PSD3: variants seen among roughly 807,000 people sequenced by gnomAD.
PSD3 encodes the protein pleckstrin and Sec7 domain containing 3.
A neutral mutation model predicts 105.5 loss-of-function variants in PSD3; 49 were observed. That is an observed-to-expected ratio of 0.46 (90% CI 0.37 to 0.59). The LOEUF (loss-of-function observed/expected upper bound fraction) is 0.59, where lower values mean the gene tolerates loss of function less well. PSD3 is among the 20% of genes least tolerant of loss of function. The probability of loss-of-function intolerance (pLI) is 0.00; values close to 1 mark genes in which losing one functional copy is unlikely to be tolerated. For synonymous variants in PSD3, 557 were observed against 457.8 expected (o/e 1.22, Z -2.77); for missense variants, 1,561 against 1,263.8 (o/e 1.24, Z -3.57).
chr8:18,632,905 GTATCACTTT>G (rs2130769649), intron 10 of PSD3, 99 bp from the exon 11 acceptor site: 1 of 941,722 alleles, frequency 1.1e-6, no homozygotes, highest in East Asian at 2.7e-5. Context: ...TTCCAATGGT[GTATCACTTT>G]TTATAACCAC....
In PSD3 at chr8:18,788,539, A is replaced by G. The variant is rs538177674; in HGVS notation, c.2082+10756T>C. Among the ~76,000 whole-genome samples the G allele has an allele frequency of 3.9e-5, 6 of 152,332 alleles. No homozygotes were observed. In the East Asian group the frequency reaches 1.2e-3, roughly 29 times the overall value. On this transcript the variant is annotated intron_variant, in intron 8 of 15. Transcript: ENST00000327040. Reference sequence around the variant, plus strand: ...CAGGTATTCACTAGGAAAGCTGACAACAGCATATACTCTGATTCAGAGGTT... The same window carrying G: ...CAGGTATTCACTAGGAAAGCTGACAGCAGCATATACTCTGATTCAGAGGTT...
At position 18,620,351 on chromosome 8, in the gene PSD3, T is replaced by TGTTTG. The variant is rs1554524316; in HGVS notation, c.2410+12261_2410+12262insCAAAC. On this transcript the variant is annotated intron_variant, in intron 11 of 15. Transcript: ENST00000327040. ...GGGTTCTTGGGTTTGTGTTTTTTTT[T>TGTTTG]TTTTTTTTTCCCCAGGCTGTGGTCA... is the stretch of plus-strand genomic sequence containing the variant. Among the ~76,000 whole-genome samples the TGTTTG allele has an allele frequency of 2.2e-3, 328 of 149,350 alleles. 3 individuals are homozygous for TGTTTG. Among genetic ancestry groups the TGTTTG allele is most frequent in the South Asian group, 0.02 (93 of 4,712 alleles).
intron 11 of PSD3, among the ~76,000 whole-genome samples, chr8:18,626,826 G>C (rs899180799): frequency 3.3e-5 from 5 of 152,118 alleles, no homozygotes; most frequent in Non-Finnish European, 5.9e-5. Flanking sequence ...GACAGGATTA[G>C]ACGGGAAGGA....
intron 14 of PSD3, among the ~76,000 whole-genome samples, chr8:18,564,364 C>T (rs1801596333): frequency 6.6e-6 from 1 of 152,118 alleles, no homozygotes; most frequent in Non-Finnish European, 1.5e-5. Flanking sequence ...CACGGTGGCT[C>T]ACGCCTGTAA....
At chr8:18,678,790 C>A (rs1476413650) in intron 9 of PSD3, among the ~76,000 whole-genome samples, 1 of 148,006 alleles carries the variant, frequency 6.8e-6, no homozygotes, top group Admixed American at 6.9e-5. Flanking sequence ...CCAGCCTGGG[C>A]AACAAAAGCA....
In PSD3 at chr8:18,535,649, CTT is replaced by C; in HGVS notation, c.*92_*93del. Reference sequence around the variant, plus strand: ...TACTAATGCACCGTTTTGTCACAGACTTTTTTTTTTTAAATATATTCACGGAT... The same window carrying C: ...TACTAATGCACCGTTTTGTCACAGACTTTTTTTTTAAATATATTCACGGAT... On this transcript the variant is annotated 3_prime_UTR_variant, in exon 16 of 16. Coordinates refer to ENST00000327040, the MANE Select transcript of PSD3 (RefSeq NM_015310.4). 1.0e-5 allele frequency: 9 copies of C among 867,508 alleles called. No individual in the cohort carries two copies. The highest frequency in any genetic ancestry group is 1.4e-5 in the Non-Finnish European group (8 of 572,900). 53.7% of individuals were successfully genotyped at this position (867,508 alleles called of 1,614,324 possible). A position where few individuals can be genotyped will look rare whatever the true frequency, so the allele number is the denominator to read the frequency against.
chr8:18,673,413 A>T (rs573424606), intron 9 of PSD3, among the ~76,000 whole-genome samples: 1 of 152,180 alleles, frequency 6.6e-6, no homozygotes, highest in African/African-American at 2.4e-5. Flanking sequence ...TCATCATCTT[A>T]TTTTGTTGTT....
intron 9 of PSD3, among the ~76,000 whole-genome samples, chr8:18,750,665 G>A (rs192495821): frequency 1.3e-5 from 2 of 152,032 alleles, no homozygotes; most frequent in African/African-American, 2.4e-5. Flanking sequence ...TGGTAGAGCC[G>A]AGTGGCCTGT....
intron 2 of PSD3, among the ~76,000 whole-genome samples, chr8:18,904,557 G>A (rs78629081): frequency 0.027 from 4,063 of 151,844 alleles, 211 homozygotes; most frequent in African/African-American, 0.093. Flanking sequence ...TCTTTTGGCT[G>A]ATCTCTCCCT....
intron 14 of PSD3, among the ~76,000 whole-genome samples, chr8:18,561,475 G>A (rs544274701): frequency 6.6e-6 from 1 of 152,110 alleles, no homozygotes; most frequent in Admixed American, 6.5e-5. Flanking sequence ...GGGGGCAAGG[G>A]ACTGGGGACA....
chr8:19,015,583 C>T (rs1365448660), upstream of PSD3, among the ~76,000 whole-genome samples: 1 of 152,128 alleles, frequency 6.6e-6, no homozygotes, highest in Non-Finnish European at 1.5e-5. Flanking sequence ...CTGGCCTTTA[C>T]CTGGGAAATT....
intron 1 of PSD3, among the ~76,000 whole-genome samples, chr8:19,028,120 T>A (rs914837562): frequency 1.3e-5 from 2 of 152,126 alleles, no homozygotes; most frequent in Non-Finnish European, 2.9e-5. Context: ...TGTCAACTTT[T>A]AAAAAAACAT....
chr8:18,800,173 G>T (rs566763523), intron 7 of PSD3, among the ~76,000 whole-genome samples: 3 of 152,204 alleles, frequency 2.0e-5, no homozygotes, highest in Admixed American at 1.3e-4. Flanking sequence ...ATTAAGTCAC[G>T]AATCCATATT....
At chr8:18,780,583 A>C (rs1808513257) in intron 8 of PSD3, among the ~76,000 whole-genome samples, 1 of 151,482 alleles carries the variant, frequency 6.6e-6, no homozygotes, top group Non-Finnish European at 1.5e-5. Flanking sequence ...ACCGACACTC[A>C]CTCTGTTGCC....
rs150330589 is a variant in PSD3 at position 18,631,485 on chromosome 8, T to C, written c.2410+1128A>G. Among the ~76,000 whole-genome samples, 20 of 152,082 alleles carry C rather than the reference T, an allele frequency of 1.3e-4. No individual in the cohort carries two copies. The East Asian group carries it at 2.5e-3, about 19-fold the overall frequency. On this transcript the variant is annotated intron_variant, in intron 11 of 15. Coordinates refer to ENST00000327040, the MANE Select transcript of PSD3 (RefSeq NM_015310.4). ...ATCTATAGCACTGCTAATAACCATG[T>C]ATAAAGGACCTCATTCCAAAGAATA...
chr8:18,769,201 C>A (rs923736271), intron 8 of PSD3, among the ~76,000 whole-genome samples: 6 of 152,102 alleles, frequency 3.9e-5, no homozygotes, highest in African/African-American at 1.4e-4. Flanking sequence ...GGTAACAAAT[C>A]TTTTTCCAAG....
chr8:18,790,524 T>C (rs111637875), intron 8 of PSD3, among the ~76,000 whole-genome samples: 8 of 151,958 alleles, frequency 5.3e-5, no homozygotes, highest in Non-Finnish European at 1.0e-4. Context: ...GGATGGTCTC[T>C]ATCTCCTGAC....
At chr8:18,771,164 G>T (rs554884354) in intron 8 of PSD3, among the ~76,000 whole-genome samples, 1 of 152,166 alleles carries the variant, frequency 6.6e-6, no homozygotes, top group African/African-American at 2.4e-5. Context: ...GCACAGGAAT[G>T]GGGGGCAGAG....
intron 9 of PSD3, among the ~76,000 whole-genome samples, chr8:18,757,793 T>C (rs1203885428): frequency 1.3e-5 from 2 of 152,210 alleles, no homozygotes; most frequent in African/African-American, 4.8e-5. Context: ...TTTCAATTCT[T>C]CAAAACAATT....
Sources: allele counts gnomAD v4.1 joint callset (sites outside exome capture counted in the v4.1 genomes callset), GRCh38; gene constraint gnomAD v4.1.1; transcripts MANE v1.5; gene names NCBI Gene and HGNC (gene_info 2026-07-23, HGNC 2026-07-21).